The following COL15A1 variants were observed in gnomAD, a reference collection of about 807,000 sequenced individuals.
The protein encoded by COL15A1 is collagen type XV alpha 1 chain, also known as collagen alpha-1(XV) chain.
In COL15A1, 111 loss-of-function variants were observed where a neutral mutation model predicts 165.9. The ratio of observed to expected loss-of-function variants is 0.67; its 90% confidence interval spans 0.57 to 0.78. COL15A1 has a LOEUF of 0.78. Among genes scored for constraint, COL15A1 ranks in the 30% least tolerant of loss-of-function variants. The pLI is 0.00. For synonymous variants in COL15A1, 659 were observed against 674.8 expected (o/e 0.98, Z 0.36); for missense variants, 1,745 against 1,789.7 (o/e 0.98, Z 0.45).
intron 13 of COL15A1, 50 bp from the exon 14 acceptor site, chr9:99,023,307 T>C: frequency 3.9e-6 from 6 of 1,555,638 alleles, no homozygotes; most frequent in East Asian, 4.6e-5. Flanking sequence ...GTGGCTGTCC[T>C]TGGAGTCTGG....
chr9:99,052,532 A>C, intron 31 of COL15A1, 99 bp downstream of exon 31: 1 of 970,730 alleles, frequency 1.0e-6, no homozygotes, highest in Non-Finnish European at 1.7e-6. Flanking sequence ...GGTGGTCAGG[A>C]AGGTCTAACT....
chr9:98,985,964 T>C lies in COL15A1; in HGVS notation c.500T>C (p.Ile167Thr), dbSNP rs757910595. The C allele has an allele frequency of 1.2e-6, 2 of 1,614,054 alleles. No individual in the cohort carries two copies. The highest frequency in any genetic ancestry group is 1.1e-5 in the South Asian group (1 of 91,066). Residue 167 changes from isoleucine (I) to threonine (T), a missense_variant, in exon 3 of 42, where the codon ATT becomes ACT. Coordinates refer to ENST00000375001, the MANE Select transcript of COL15A1 (RefSeq NM_001855.5). The stretch of plus-strand genomic sequence containing the variant: ...CACAGGTGGAACCGCTTCGCCATGA[T>C]TGTCCAGGGTGAGGAAGTGACCCTC... Reference protein sequence around the residue: ...MTHRWNRFAMIVQGEEVTLLV... With the variant: ...MTHRWNRFAMTVQGEEVTLLV...
chr9:98,973,253 A>AGG, intron 2 of COL15A1, among the ~76,000 whole-genome samples: 1 of 151,716 alleles, frequency 6.6e-6, no homozygotes, highest in East Asian at 1.9e-4. Context: ...AAAGAGAGAG[A>AGG]GGGAGAGAGA....
intron 35 of COL15A1, among the ~76,000 whole-genome samples, chr9:99,059,325 G>A (rs1825773741): frequency 6.6e-6 from 1 of 152,162 alleles, no homozygotes; most frequent in African/African-American, 2.4e-5. Context: ...TTTACATTTT[G>A]CAGATGAGGA....
chr9:98,989,843 G>T (rs970873285), intron 5 of COL15A1, among the ~76,000 whole-genome samples: 15 of 152,166 alleles, frequency 9.9e-5, no homozygotes, highest in African/African-American at 3.6e-4. Context: ...CAGTGGCCTG[G>T]ACCTCCTCCC....
At position 99,052,087 on chromosome 9, in the gene COL15A1, A is replaced by C. The variant is rs550652480; in HGVS notation, c.2905-301A>C. ...AATGTTCACAGTTGGCCAAACCACC[A>C]CTGCCACGATTTGTTGTCTTAAAGC... On this transcript the variant is annotated intron_variant, in intron 30 of 41. Coordinates refer to ENST00000375001, the MANE Select transcript of COL15A1 (RefSeq NM_001855.5). 2.0e-5 allele frequency among the ~76,000 whole-genome samples: 3 copies of C among 152,332 alleles called. No homozygotes were observed. In the East Asian group the frequency reaches 5.8e-4, roughly 29 times the overall value.
intron 31 of COL15A1, among the ~76,000 whole-genome samples, chr9:99,052,701 C>T (rs1839611445): frequency 6.6e-6 from 1 of 152,192 alleles, no homozygotes; most frequent in Admixed American, 6.5e-5. Flanking sequence ...GTTCATAAAA[C>T]ATTCACTGAT....
intron 7 of COL15A1, among the ~76,000 whole-genome samples, chr9:99,002,473 C>CA (rs886684325): frequency 6.6e-6 from 1 of 152,192 alleles, no homozygotes; most frequent in East Asian, 1.9e-4. Context: ...CACTCAACCC[C>CA]AAAATGAGTC....
rs757775319 is a variant in COL15A1, at chr9:99,047,773, G to A, written c.2680-13G>A. On this transcript the variant is annotated splice_polypyrimidine_tract_variant and intron_variant, in intron 26 of 41. Transcript: ENST00000375001. ...TCTGTTCTTTTCTAATCTGGCATTTGTTTTGCCTCTAGGGGCCCAAAGGAC... is the reference window on the plus strand; with the variant it reads ...TCTGTTCTTTTCTAATCTGGCATTTATTTTGCCTCTAGGGGCCCAAAGGAC... 9.3e-6 allele frequency: 15 copies of A among 1,613,922 alleles called. No homozygotes were observed. Among genetic ancestry groups the A allele is most frequent in the East Asian group, 2.2e-5 (1 of 44,880 alleles).
intron 30 of COL15A1, among the ~76,000 whole-genome samples, chr9:99,051,458 G>C (rs1304485738): frequency 6.6e-6 from 1 of 152,190 alleles, no homozygotes; most frequent in Non-Finnish European, 1.5e-5. Flanking sequence ...TTTTGAAACA[G>C]AAATGCTTCC....
chr9:98,951,940 C>G (rs1367798668), intron 2 of COL15A1, among the ~76,000 whole-genome samples: 1 of 152,218 alleles, frequency 6.6e-6, no homozygotes, highest in African/African-American at 2.4e-5. Context: ...CTCTGGGAAG[C>G]TGTCTCTCCT....
chr9:99,027,459 T>C (rs1839145613), intron 16 of COL15A1, among the ~76,000 whole-genome samples: 1 of 152,222 alleles, frequency 6.6e-6, no homozygotes, highest in South Asian at 2.1e-4. Context: ...TCATTTTACA[T>C]GTACCAACAG....
chr9:99,056,507 C>T (rs944417739), intron 35 of COL15A1, 103 bp downstream of exon 35: 9 of 1,452,396 alleles, frequency 6.2e-6, no homozygotes, highest in Non-Finnish European at 8.2e-6. Context: ...TAACAGAGGG[C>T]TTTCCTGGAT....
At chr9:98,969,555 G>A (rs1265462204) in intron 2 of COL15A1, among the ~76,000 whole-genome samples, 1 of 152,240 alleles carries the variant, frequency 6.6e-6, no homozygotes, top group Non-Finnish European at 1.5e-5. Flanking sequence ...CAGCAAGACT[G>A]TGGGAGACCC....
chr9:99,050,472 C>T (rs1588534108), intron 30 of COL15A1, among the ~76,000 whole-genome samples: 1 of 152,322 alleles, frequency 6.6e-6, no homozygotes, highest in East Asian at 1.9e-4. Flanking sequence ...CAGGTGCAGA[C>T]ACTGGGATGC....
chr9:99,038,668 T>C lies in COL15A1; in HGVS notation c.2410T>C (p.Ser804Pro). 1.3e-6 allele frequency: 2 copies of C among 1,595,536 alleles called. No individual in the cohort carries two copies. Among genetic ancestry groups the C allele is most frequent in the African/African-American group, 2.7e-5 (2 of 74,644 alleles). ...CATTGTCTGATTTTTCTCTTTTCAG[T>C]CCTTGATCAATATCACCCATGGATT... is the stretch of plus-strand genomic sequence containing the variant. ...PPGHIKVLSN[S>P]LINITHGFMN... Residue 804 changes from serine to proline, a missense_variant and splice_region_variant, in exon 22 of 42, where the codon TCC becomes CCC. Transcript: ENST00000375001.
intron 24 of COL15A1, among the ~76,000 whole-genome samples, chr9:99,044,115 A>G (rs752908196): frequency 2.6e-5 from 4 of 152,184 alleles, no homozygotes; most frequent in Admixed American, 6.5e-5. Context: ...TGGTGGGAAC[A>G]GATCTCAGGT....
chr9:99,060,271 G>A (rs1161737182), intron 36 of COL15A1, among the ~76,000 whole-genome samples: 1 of 138,778 alleles, frequency 7.2e-6, no homozygotes, highest in African/African-American at 2.7e-5. Context: ...TTTTTTGCTG[G>A]ATGAGGGGTG....
At chr9:99,034,195 C>T (rs1839256446) in intron 16 of COL15A1, among the ~76,000 whole-genome samples, 1 of 152,284 alleles carries the variant, frequency 6.6e-6, no homozygotes, top group South Asian at 2.1e-4. Context: ...GGTGAAGTAC[C>T]CTCTACCTCC....
Sources: allele counts gnomAD v4.1 joint callset (sites outside exome capture counted in the v4.1 genomes callset), GRCh38; gene constraint gnomAD v4.1.1; transcripts MANE v1.5; gene names NCBI Gene and HGNC (gene_info 2026-07-23, HGNC 2026-07-21).